PALM2AKAP2: variants seen among roughly 807,000 people sequenced by gnomAD.
PALM2AKAP2 encodes PALM2-AKAP2 fusion protein.
In PALM2AKAP2, 37 loss-of-function variants were observed where a neutral mutation model predicts 71.5. That is an observed-to-expected ratio of 0.52 (90% CI 0.40 to 0.68). The LOEUF (loss-of-function observed/expected upper bound fraction) is 0.68, where lower values mean the gene tolerates loss of function less well. PALM2AKAP2 is among the 30% of genes least tolerant of loss of function. The pLI is 0.00. For synonymous variants in PALM2AKAP2, 468 were observed against 478.8 expected, an observed-to-expected ratio of 0.98 and a Z score of 0.29; for missense variants, 1,224 against 1,191.8, an observed-to-expected ratio of 1.03 and a Z score of -0.40.
chr9:110,144,485 C>T (rs1836113134), intron 2 of PALM2AKAP2, among the ~76,000 whole-genome samples: 2 of 152,210 alleles, frequency 1.3e-5, no homozygotes, highest in Admixed American at 1.3e-4. Flanking sequence ...TCACTGAATC[C>T]TCCCAACAGC....
intron 1 of PALM2AKAP2, among the ~76,000 whole-genome samples, chr9:110,070,405 T>G (rs552139461): frequency 4.6e-5 from 7 of 152,328 alleles, no homozygotes; most frequent in Non-Finnish European, 7.4e-5. Context: ...AAAAAGAATT[T>G]TAAAAAGTAA....
chr9:110,135,164 A>AAAAAAAAAAAAATATATATATATATAT, intron 1 of PALM2AKAP2, among the ~76,000 whole-genome samples: 3 of 51,730 alleles, frequency 5.8e-5, no homozygotes, highest in Non-Finnish European at 7.5e-5. Flanking sequence ...AAAAAAAAAA[A>AAAAAAAAAAAAATATATATATATATAT]ATATATAAAT....
intron 6 of PALM2AKAP2, among the ~76,000 whole-genome samples, chr9:110,012,324 G>A (rs1832899314): frequency 6.6e-6 from 1 of 151,910 alleles, no homozygotes; most frequent in Admixed American, 6.6e-5. Context: ...AAAAAGAAAA[G>A]TATTTTTTTA....
intron 1 of PALM2AKAP2, among the ~76,000 whole-genome samples, chr9:110,103,534 CTT>C (rs1399151347): frequency 6.6e-6 from 1 of 152,190 alleles, no homozygotes; most frequent in African/African-American, 2.4e-5. Flanking sequence ...GTGGAGGACT[CTT>C]TGAGGAGAGA....
At chr9:109,997,124 G>A (rs964126897) in intron 6 of PALM2AKAP2, among the ~76,000 whole-genome samples, 1 of 152,158 alleles carries the variant, frequency 6.6e-6, no homozygotes, top group Non-Finnish European at 1.5e-5. Context: ...AGGAGGTTGA[G>A]GCTGCAAGTG....
At chr9:109,688,777 T>A (rs1268693994) in intron 1 of PALM2AKAP2, among the ~76,000 whole-genome samples, 1 of 152,290 alleles carries the variant, frequency 6.6e-6, no homozygotes, top group Admixed American at 6.5e-5. Flanking sequence ...GAAAGGCAAA[T>A]AAATGCTTGC....
At chr9:109,692,113 A>T (rs1472926165) in intron 1 of PALM2AKAP2, among the ~76,000 whole-genome samples, 1 of 151,028 alleles carries the variant, frequency 6.6e-6, no homozygotes, top group Non-Finnish European at 1.5e-5. Context: ...TAATTCACAC[A>T]TGATAAAATT....
chr9:110,068,420 G>C (rs1834131000), intron 1 of PALM2AKAP2, among the ~76,000 whole-genome samples: 1 of 149,492 alleles, frequency 6.7e-6, no homozygotes, highest in African/African-American at 2.6e-5. Context: ...TGCAAATAAT[G>C]AGATGATATA....
At chr9:110,053,578 A>G (rs1036914734) in intron 1 of PALM2AKAP2, among the ~76,000 whole-genome samples, 2 of 152,062 alleles carry the variant, frequency 1.3e-5, no homozygotes, top group Admixed American at 1.3e-4. Flanking sequence ...AGAAAAAGAA[A>G]AAAAGAGACA....
intron 3 of PALM2AKAP2, among the ~76,000 whole-genome samples, chr9:109,909,562 T>C (rs1830524448): frequency 1.3e-5 from 2 of 152,174 alleles, no homozygotes; most frequent in African/African-American, 2.4e-5. Context: ...ATGGTAATTA[T>C]CCTCTAGAGG....
intron 1 of PALM2AKAP2, among the ~76,000 whole-genome samples, chr9:109,862,459 C>G (rs1225668772): frequency 2.0e-5 from 3 of 152,080 alleles, no homozygotes; most frequent in Non-Finnish European, 4.4e-5. Context: ...AATTGCTACT[C>G]AGAAGTACAT....
intron 6 of PALM2AKAP2, among the ~76,000 whole-genome samples, chr9:109,953,492 T>C (rs1588030343): frequency 6.6e-6 from 1 of 152,238 alleles, no homozygotes; most frequent in African/African-American, 2.4e-5. Context: ...CAACCTCAGT[T>C]GTCTTTACTT....
chr9:110,090,207 G>A (rs913338835), intron 1 of PALM2AKAP2: 29 of 368,660 alleles, frequency 7.9e-5, no homozygotes, highest in South Asian at 4.6e-4. Flanking sequence ...AGGTGTGTGC[G>A]GGCAGGTACA....
At chr9:110,140,430 T>G (rs1460689965) in intron 2 of PALM2AKAP2, among the ~76,000 whole-genome samples, 1 of 152,216 alleles carries the variant, frequency 6.6e-6, no homozygotes, top group Non-Finnish European at 1.5e-5. Context: ...GAGAATGGTA[T>G]TTAGAAACAA....
At chr9:109,667,130 C>G (rs1468954142) in intron 1 of PALM2AKAP2, among the ~76,000 whole-genome samples, 2 of 152,142 alleles carry the variant, frequency 1.3e-5, no homozygotes, top group African/African-American at 4.8e-5. Context: ...TTCTGAGCCA[C>G]TCAATTGAAG....
intron 6 of PALM2AKAP2, among the ~76,000 whole-genome samples, chr9:109,954,424 A>G (rs561761942): frequency 2.6e-4 from 39 of 148,466 alleles, no homozygotes; most frequent in African/African-American, 9.4e-4. Context: ...TAAATCTTGC[A>G]TTTTATCAAC....
rs185265985 is a variant in PALM2AKAP2 at position 109,682,318 on chromosome 9, C to A, written c.5+41452C>A. Among the ~76,000 whole-genome samples, 564 of 152,286 alleles carry A rather than the reference C, an allele frequency of 3.7e-3. 4 individuals are homozygous for A. The highest frequency in any genetic ancestry group is 0.013 in the African/African-American group (546 of 41,572). ...ATATTCTGTTTTGGTGTTTCTGGATCACTTTGCTTCATTCACTCAAGGAAA... is the reference window on the plus strand; with the variant it reads ...ATATTCTGTTTTGGTGTTTCTGGATAACTTTGCTTCATTCACTCAAGGAAA... On this transcript the variant is annotated intron_variant, in intron 1 of 6. Coordinates refer to the PALM2AKAP2 transcript ENST00000374531.
At chr9:109,956,854 C>T (rs1003481893) in intron 6 of PALM2AKAP2, among the ~76,000 whole-genome samples, 1 of 152,120 alleles carries the variant, frequency 6.6e-6, no homozygotes, top group Admixed American at 6.5e-5. Flanking sequence ...ATGCCATGCC[C>T]ACTTACCCCC....
chr9:109,754,802 A>G (rs1828934330), intron 1 of PALM2AKAP2, among the ~76,000 whole-genome samples: 1 of 152,034 alleles, frequency 6.6e-6, no homozygotes, highest in South Asian at 2.1e-4. Flanking sequence ...TCACAACCCA[A>G]TTACTCCCCG....
Sources: allele counts gnomAD v4.1 joint callset (sites outside exome capture counted in the v4.1 genomes callset), GRCh38; gene constraint gnomAD v4.1.1; transcripts MANE v1.5; gene names NCBI Gene and HGNC (gene_info 2026-07-23, HGNC 2026-07-21).